TRAK1: variants seen among roughly 807,000 people sequenced by gnomAD.
TRAK1 encodes the protein trafficking kinesin protein 1.
Under a neutral mutation model 92.1 loss-of-function variants are expected in TRAK1, and 33 were observed. The ratio of observed to expected loss-of-function variants is 0.36; its 90% confidence interval spans 0.27 to 0.48. The LOEUF is 0.48. Among genes scored for constraint, TRAK1 ranks in the 20% least tolerant of loss-of-function variants. The pLI is 0.99. For missense variants in TRAK1, 1,123 were observed against 1,257.9 expected, an observed-to-expected ratio of 0.89 and a Z score of 1.62; for synonymous variants, 521 against 517.3, an observed-to-expected ratio of 1.01 and a Z score of -0.10.
At chr3:42,061,960 C>T (rs572586378) in intron 1 of TRAK1, among the ~76,000 whole-genome samples, 7 of 152,330 alleles carry the variant, frequency 4.6e-5, no homozygotes, top group East Asian at 3.9e-4. Flanking sequence ...CTATTGCTGA[C>T]GCCATCCCTC....
At chr3:42,130,371 C>T (rs1462724248) in intron 2 of TRAK1, among the ~76,000 whole-genome samples, 1 of 131,756 alleles carries the variant, frequency 7.6e-6, no homozygotes, top group Non-Finnish European at 1.6e-5. Flanking sequence ...ACCACCCTCC[C>T]TGAGTTTACC....
At chr3:42,134,536 C>CA (rs777486609) in intron 2 of TRAK1, among the ~76,000 whole-genome samples, 1 of 150,068 alleles carries the variant, frequency 6.7e-6, no homozygotes, top group African/African-American at 2.5e-5. Context: ...CTTGGCCTCC[C>CA]AAAGTGCTGG....
intron 2 of TRAK1, among the ~76,000 whole-genome samples, chr3:42,140,939 C>A (rs1698571891): frequency 6.6e-6 from 1 of 152,126 alleles, no homozygotes; most frequent in Non-Finnish European, 1.5e-5. Flanking sequence ...TAAGGTGGAG[C>A]ACTGGGGATG....
chr3:42,182,352 TG>T (rs1704138173), intron 3 of TRAK1, among the ~76,000 whole-genome samples: 1 of 151,744 alleles, frequency 6.6e-6, no homozygotes, highest in Non-Finnish European at 1.5e-5. Context: ...ACACTCAGGC[TG>T]TAGTGCAGTG....
chr3:42,138,892 TGTGTG>T (rs1698313657), intron 2 of TRAK1, among the ~76,000 whole-genome samples: 1 of 148,968 alleles, frequency 6.7e-6, no homozygotes, highest in African/African-American at 2.5e-5. Context: ...TGTGTGTGTG[TGTGTG>T]TGTGTGTGTG....
intron 1 of TRAK1, among the ~76,000 whole-genome samples, chr3:42,054,014 A>G (rs1703092430): frequency 6.6e-6 from 1 of 152,198 alleles, no homozygotes; most frequent in South Asian, 2.1e-4. Flanking sequence ...TCCTAAGACC[A>G]ACATCGTGGA....
intron 1 of TRAK1, among the ~76,000 whole-genome samples, chr3:42,029,909 C>A (rs547288211): frequency 1.3e-5 from 2 of 151,712 alleles, no homozygotes; most frequent in African/African-American, 4.8e-5. Context: ...AGGGGAGGCA[C>A]GATTGGAAGT....
intron 1 of TRAK1, among the ~76,000 whole-genome samples, chr3:42,038,064 A>G (rs1702389906): frequency 6.6e-6 from 1 of 152,152 alleles, no homozygotes; most frequent in Non-Finnish European, 1.5e-5. Flanking sequence ...AAGCTGCTGG[A>G]CCATGTTTAA....
chr3:42,113,827 T>C (rs1339403404), intron 1 of TRAK1, among the ~76,000 whole-genome samples: 1 of 152,248 alleles, frequency 6.6e-6, no homozygotes, highest in East Asian at 1.9e-4. Flanking sequence ...GTGTTGGGAT[T>C]ACATACGTGA....
At position 42,223,741 on chromosome 3, in the gene TRAK1, C is replaced by G. The variant is rs1212736016; in HGVS notation, c.*4C>G. On this transcript the variant is annotated 3_prime_UTR_variant, in exon 16 of 16. Coordinates refer to ENST00000327628, the MANE Select transcript of TRAK1 (RefSeq NM_001042646.3). This position sits in a 1 kb window ranked among gnomAD's most constrained non-coding sequence, Gnocchi z 6.1. The stretch of plus-strand genomic sequence containing the variant: ...CAAACAAACTAGCTTACGGTGAGGA[C>G]TGGAGGGGGGCCGGTTGCCCTAGAG... 2 of 1,596,910 alleles carry G rather than the reference C, an allele frequency of 1.3e-6. No individual in the cohort carries two copies. The highest frequency in any genetic ancestry group is 2.2e-5 in the South Asian group (2 of 89,898).
rs972136546 is a variant in TRAK1 at position 42,212,269 on chromosome 3, C to T, written c.1963+2284C>T. 6.8e-5 allele frequency: 67 copies of T among 985,352 alleles called. No homozygotes were observed. In the African/African-American group the frequency reaches 1.1e-3, roughly 16 times the overall value. 61.0% of individuals were successfully genotyped at this position (985,352 alleles called of 1,614,324 possible). ...TCTGGTCCCTGCCTTTTAATCCGTCCTCTACGCTTGGGCTTTTCTGTTACC... is the reference window on the plus strand; with the variant it reads ...TCTGGTCCCTGCCTTTTAATCCGTCTTCTACGCTTGGGCTTTTCTGTTACC... On this transcript the variant is annotated intron_variant, in intron 14 of 15. Coordinates refer to ENST00000327628, the MANE Select transcript of TRAK1 (RefSeq NM_001042646.3).
At chr3:42,053,451 G>A (rs1245387010) in intron 1 of TRAK1, among the ~76,000 whole-genome samples, 1 of 151,686 alleles carries the variant, frequency 6.6e-6, no homozygotes, top group Non-Finnish European at 1.5e-5. Context: ...TCTGGGGATG[G>A]GGTGGGGAGT....
chr3:42,046,954 A>G (rs1052097623), intron 1 of TRAK1, among the ~76,000 whole-genome samples: 1 of 152,102 alleles, frequency 6.6e-6, no homozygotes, highest in Non-Finnish European at 1.5e-5. Flanking sequence ...CCTCAATTTC[A>G]TTTAGTTTTT....
chr3:42,026,787 A>G (rs1701937781), intron 1 of TRAK1, among the ~76,000 whole-genome samples: 1 of 152,062 alleles, frequency 6.6e-6, no homozygotes, highest in Admixed American at 6.6e-5. Flanking sequence ...GGCCTCCCAA[A>G]GTGCTGGGAT....
intron 1 of TRAK1, among the ~76,000 whole-genome samples, chr3:42,095,540 AT>A (rs1273146257): frequency 6.6e-6 from 1 of 152,234 alleles, no homozygotes; most frequent in Non-Finnish European, 1.5e-5. Context: ...GGGTAAAAAA[AT>A]CATTCCAAGA....
chr3:42,083,062 T>C (rs1704509709), upstream of TRAK1, among the ~76,000 whole-genome samples: 2 of 152,246 alleles, frequency 1.3e-5, no homozygotes, highest in Non-Finnish European at 2.9e-5. Flanking sequence ...GCCCGAGAGC[T>C]ACAGTAAATT....
At chr3:42,047,516 C>T (rs55920039) in intron 1 of TRAK1, among the ~76,000 whole-genome samples, 35,794 of 151,922 alleles carry the variant, frequency 0.24, 4,973 homozygotes, top group Non-Finnish European at 0.31. Flanking sequence ...AAAGCTGATC[C>T]TTTAGCAGAT....
intron 2 of TRAK1, among the ~76,000 whole-genome samples, chr3:42,140,830 G>A (rs1322379694): frequency 6.6e-6 from 1 of 152,152 alleles, no homozygotes; most frequent in Non-Finnish European, 1.5e-5. Context: ...TGGCTGGCCC[G>A]GCATACAGGT....
At chr3:42,061,012 C>G (rs1471689327) in intron 1 of TRAK1, among the ~76,000 whole-genome samples, 3 of 149,916 alleles carry the variant, frequency 2.0e-5, no homozygotes, top group Non-Finnish European at 4.4e-5. Flanking sequence ...AACTGACCCT[C>G]CAAGGGACTT....
Sources: allele counts gnomAD v4.1 joint callset (sites outside exome capture counted in the v4.1 genomes callset), GRCh38; gene constraint gnomAD v4.1.1; non-coding constraint Gnocchi (gnomAD v3.1); transcripts MANE v1.5; gene names NCBI Gene and HGNC (gene_info 2026-07-23, HGNC 2026-07-21).